Variants in CCNY observed in about 807,000 individuals in gnomAD.
The protein encoded by CCNY is cyclin-Y.
In CCNY, 19 loss-of-function variants were observed where a neutral mutation model predicts 42.8. That is an observed-to-expected ratio of 0.44 (90% CI 0.31 to 0.65). The LOEUF is 0.65. Among genes scored for constraint, CCNY ranks in the 30% least tolerant of loss-of-function variants. The pLI is 0.07. For synonymous variants in CCNY, 165 were observed against 162.7 expected (o/e 1.01, Z -0.11); for missense variants, 370 against 437.3 (o/e 0.85, Z 1.37).
At position 35,336,511 on chromosome 10, in the gene CCNY, C is replaced by T. The variant is rs1293915983; in HGVS notation, c.-543C>T. ...GCTGGCGAGGGAGGGCCGCCAGCAT[C>T]CTCCCTGGCCGCGCCGCACCGCGCC... On this transcript the variant is annotated 5_prime_UTR_variant, in exon 1 of 10. Coordinates refer to ENST00000374704, the MANE Select transcript of CCNY (RefSeq NM_145012.6). The T allele has an allele frequency of 1.3e-5, 2 of 150,068 alleles. No individual in the cohort carries two copies. The highest frequency in any genetic ancestry group is 4.9e-5 in the African/African-American group (2 of 41,132). The allele number at this position is 150,068 out of a possible 1,614,324, so 9.3% of individuals were successfully genotyped here. A position where few individuals can be genotyped will look rare whatever the true frequency, so the allele number is the denominator to read the frequency against.
At chr10:35,390,906 G>A (rs1194142200) in intron 1 of CCNY, among the ~76,000 whole-genome samples, 1 of 152,192 alleles carries the variant, frequency 6.6e-6, no homozygotes, top group Non-Finnish European at 1.5e-5. Context: ...GGGCCCTGCT[G>A]AGTTGGGGCC....
chr10:35,564,476 A>G (rs2135463739), intron 8 of CCNY, among the ~76,000 whole-genome samples: 1 of 152,082 alleles, frequency 6.6e-6, no homozygotes, highest in East Asian at 1.9e-4. Flanking sequence ...AGCCCTCCTC[A>G]GTCCTTCATA....
chr10:35,381,868 C>A (rs968656360), intron 1 of CCNY, among the ~76,000 whole-genome samples: 3 of 152,226 alleles, frequency 2.0e-5, no homozygotes, highest in African/African-American at 7.2e-5. Flanking sequence ...TTAAAAATTA[C>A]AACAGTGAAA....
chr10:35,467,786 T>C (rs1307376826), intron 1 of CCNY, among the ~76,000 whole-genome samples: 1 of 152,242 alleles, frequency 6.6e-6, no homozygotes, highest in African/African-American at 2.4e-5. Context: ...TTTTGGCAGA[T>C]AGCCTTTATC....
intron 1 of CCNY, among the ~76,000 whole-genome samples, chr10:35,424,375 C>T (rs943738694): frequency 3.3e-5 from 5 of 152,072 alleles, no homozygotes; most frequent in Admixed American, 2.6e-4. Context: ...TACAGGCATG[C>T]GCCACCACAC....
At chr10:35,427,964 T>A (rs1450324608) in intron 1 of CCNY, among the ~76,000 whole-genome samples, 1 of 152,102 alleles carries the variant, frequency 6.6e-6, no homozygotes, top group Non-Finnish European at 1.5e-5. Context: ...TTCCTTCTGT[T>A]AAGTACCAGC....
chr10:35,361,962 A>C (rs1417188240), intron 1 of CCNY, among the ~76,000 whole-genome samples: 1 of 152,226 alleles, frequency 6.6e-6, no homozygotes, highest in Admixed American at 6.5e-5. Flanking sequence ...CACACCTGAC[A>C]CTTTTGCTTT....
At chr10:35,497,702 G>C (rs2135386269) in intron 2 of CCNY, among the ~76,000 whole-genome samples, 1 of 145,154 alleles carries the variant, frequency 6.9e-6, no homozygotes, top group South Asian at 2.2e-4. Flanking sequence ...CCTCCAGCCT[G>C]GATTACAGAG....
chr10:35,282,615 T>C (rs1235661398), intron 3 of CCNY, among the ~76,000 whole-genome samples: 4 of 148,290 alleles, frequency 2.7e-5, no homozygotes, highest in African/African-American at 7.5e-5. Flanking sequence ...CCAAGCTACT[T>C]GGGAGGCTGA....
At chr10:35,350,681 GT>G (rs1035803563) in intron 1 of CCNY, among the ~76,000 whole-genome samples, 1 of 152,170 alleles carries the variant, frequency 6.6e-6, no homozygotes, top group African/African-American at 2.4e-5. Context: ...AAAACCCTTG[GT>G]TTGTTGCATC....
At chr10:35,491,644 C>A (rs550831159) in intron 2 of CCNY, among the ~76,000 whole-genome samples, 1 of 152,034 alleles carries the variant, frequency 6.6e-6, no homozygotes, top group East Asian at 1.9e-4. Context: ...TTTTTTGAGA[C>A]GCTCTGTCGC....
intron 7 of CCNY, among the ~76,000 whole-genome samples, chr10:35,544,372 A>G (rs1418773211): frequency 6.6e-6 from 1 of 152,228 alleles, no homozygotes; most frequent in African/African-American, 2.4e-5. Flanking sequence ...GTTACCAACA[A>G]TATTCAGTAC....
At chr10:35,358,699 AAAG>A (rs962801805) in intron 1 of CCNY, among the ~76,000 whole-genome samples, 12 of 152,212 alleles carry the variant, frequency 7.9e-5, no homozygotes, top group Admixed American at 4.6e-4. Flanking sequence ...GAGACAGAGA[AAAG>A]AAGAAGAAGG....
intron 9 of CCNY, among the ~76,000 whole-genome samples, chr10:35,566,543 A>G (rs988169077): frequency 3.3e-5 from 5 of 152,100 alleles, no homozygotes; most frequent in Non-Finnish European, 5.9e-5. Flanking sequence ...GGGTTTCACA[A>G]TGTTGGCCAG....
chr10:35,460,158 T>C (rs1383485199), intron 1 of CCNY, among the ~76,000 whole-genome samples: 1 of 152,190 alleles, frequency 6.6e-6, no homozygotes, highest in Non-Finnish European at 1.5e-5. Flanking sequence ...CCTGACCTAG[T>C]GTCTCCCTGC....
chr10:35,532,087 C>T (rs1159656356), intron 7 of CCNY, among the ~76,000 whole-genome samples: 5 of 152,254 alleles, frequency 3.3e-5, no homozygotes, highest in Non-Finnish European at 7.3e-5. Flanking sequence ...TGGAGAGGAG[C>T]AGCCTTGGAG....
chr10:35,271,295 C>A (rs1416503098), intron 3 of CCNY, among the ~76,000 whole-genome samples: 1 of 152,138 alleles, frequency 6.6e-6, no homozygotes, highest in African/African-American at 2.4e-5. Flanking sequence ...GACAGGAAAA[C>A]TTGAACTGCA....
chr10:35,468,359 A>G (rs1332695779), intron 1 of CCNY, among the ~76,000 whole-genome samples: 1 of 152,210 alleles, frequency 6.6e-6, no homozygotes, highest in Non-Finnish European at 1.5e-5. Flanking sequence ...TTGGGGGGAC[A>G]CAAATATTCA....
intron 2 of CCNY, 82 bp downstream of exon 2, chr10:35,483,560 A>G (rs980739005): frequency 1.2e-6 from 1 of 858,426 alleles, no homozygotes. Context: ...ACAGGATTTA[A>G]TTTTCAATAT....
Sources: allele counts gnomAD v4.1 joint callset (sites outside exome capture counted in the v4.1 genomes callset), GRCh38; gene constraint gnomAD v4.1.1; transcripts MANE v1.5; gene names NCBI Gene and HGNC (gene_info 2026-07-23, HGNC 2026-07-21).